The following EYA4 variants were observed in gnomAD, a reference collection of about 807,000 sequenced individuals.
EYA4 encodes EYA transcriptional coactivator and phosphatase 4.
A neutral mutation model predicts 87.9 loss-of-function variants in EYA4; 31 were observed. The ratio of observed to expected loss-of-function variants is 0.35; its 90% CI spans 0.27 to 0.48. The LOEUF is 0.48. EYA4 is among the 20% of genes least tolerant of loss of function. The pLI, the probability that EYA4 is intolerant of heterozygous loss-of-function variation, is 0.99. For missense variants in EYA4, 678 were observed against 761.4 expected, an observed-to-expected ratio of 0.89 and a Z score of 1.29; for synonymous variants, 263 against 270.6, an observed-to-expected ratio of 0.97 and a Z score of 0.28.
Position 133,425,304 on chromosome 6 carries a change from T to C in EYA4, c.84-21326T>C, listed in dbSNP as rs142497557. Reference sequence around the variant, plus strand: ...AGTAGGTGTTAAAGGAACTTAGACATGTTTTGGCAAAATCTGCAATCTAAT... The same window carrying C: ...AGTAGGTGTTAAAGGAACTTAGACACGTTTTGGCAAAATCTGCAATCTAAT... On this transcript the variant is annotated intron_variant, in intron 3 of 19. Transcript: ENST00000355286. 8.9e-3 allele frequency among the ~76,000 whole-genome samples: 1,339 copies of C among 150,772 alleles called. 26 individuals carry two copies. The highest frequency in any genetic ancestry group is 0.014 in the Non-Finnish European group (929 of 68,022).
chr6:133,324,883 A>G (rs1025327468), intron 2 of EYA4, among the ~76,000 whole-genome samples: 4 of 140,354 alleles, frequency 2.8e-5, no homozygotes, highest in South Asian at 4.8e-4. Context: ...TTGAAAATTT[A>G]TGGAGTATAT....
At chr6:133,502,075 C>T (rs1055760620) in intron 13 of EYA4, among the ~76,000 whole-genome samples, 1 of 151,480 alleles carries the variant, frequency 6.6e-6, no homozygotes, top group Non-Finnish European at 1.5e-5. Context: ...CTCTCTCACT[C>T]TCTCTCTCTC....
intron 3 of EYA4, among the ~76,000 whole-genome samples, chr6:133,426,370 A>G (rs140399626): frequency 0.011 from 1,737 of 152,342 alleles, 19 homozygotes; most frequent in South Asian, 0.033. Context: ...GACTGAAATA[A>G]TCTGATCATC....
At chr6:133,362,827 C>T (rs1784554459) in intron 2 of EYA4, among the ~76,000 whole-genome samples, 1 of 152,194 alleles carries the variant, frequency 6.6e-6, no homozygotes, top group Non-Finnish European at 1.5e-5. Flanking sequence ...CTCTCTGCCC[C>T]TGATTCCCCC....
intron 6 of EYA4, 151 bp downstream of exon 6, chr6:133,456,799 C>A: frequency 1.6e-6 from 1 of 613,172 alleles, no homozygotes; most frequent in Non-Finnish European, 2.9e-6. Flanking sequence ...AACTCATAGT[C>A]ATAGCAGTAT....
At chr6:133,464,692 G>A (rs1335569096) in intron 9 of EYA4, 87 bp from the exon 10 acceptor site, 5 of 865,954 alleles carry the variant, frequency 5.8e-6, no homozygotes, top group Non-Finnish European at 9.5e-6. Context: ...ATTTCAAAGT[G>A]TTTCTCTCAC....
chr6:133,311,822 C>A (rs1780246922), intron 2 of EYA4, among the ~76,000 whole-genome samples: 1 of 152,020 alleles, frequency 6.6e-6, no homozygotes, highest in Non-Finnish European at 1.5e-5. Flanking sequence ...CGGCACTGTG[C>A]TGAGTACTGG....
chr6:133,357,011 C>A (rs1198186109), intron 2 of EYA4, among the ~76,000 whole-genome samples: 1 of 151,834 alleles, frequency 6.6e-6, no homozygotes, highest in Non-Finnish European at 1.5e-5. Flanking sequence ...GTGGCTCACG[C>A]CTGTAATCCC....
chr6:133,244,489 G>A (rs1188980750), intron 1 of EYA4, among the ~76,000 whole-genome samples: 1 of 151,992 alleles, frequency 6.6e-6, no homozygotes, highest in Non-Finnish European at 1.5e-5. Context: ...AAGAAAAATA[G>A]ATGCTGAATT....
intron 3 of EYA4, among the ~76,000 whole-genome samples, chr6:133,430,811 CAT>C (rs1345535226): frequency 6.6e-6 from 1 of 152,168 alleles, no homozygotes; most frequent in Non-Finnish European, 1.5e-5. Context: ...TTCTTGCTCT[CAT>C]AGAGTATACA....
rs1190456495 is a variant in EYA4, at chr6:133,448,167, T to A, written c.265T>A (p.Ser89Thr). 1 of 1,612,974 alleles carries A rather than the reference T, an allele frequency of 6.2e-7. No homozygotes were observed. Among genetic ancestry groups the A allele is most frequent in the Non-Finnish European group, 8.5e-7 (1 of 1,178,964 alleles). ...ADWLLSCNTP[S>T]SATMSLLAVK... ...CTGGTTGCTGAGTTGCAACACCCCC[T>A]CTTCTGCAACAAGTATGAGAGATGC... is the stretch of plus-strand genomic sequence containing the variant. Residue 89 changes from serine to threonine, a missense_variant, in exon 5 of 20, where the codon TCT (serine) becomes ACT (threonine). Physicochemically the swap from Ser to Thr is moderately conservative, Grantham distance 58 (BLOSUM62 1). Transcript: ENST00000355286.
chr6:133,454,090 T>C (rs1444221696), intron 5 of EYA4, among the ~76,000 whole-genome samples: 1 of 152,192 alleles, frequency 6.6e-6, no homozygotes, highest in African/African-American at 2.4e-5. Context: ...CTAATCTTCA[T>C]GTCTGGCTTC....
intron 17 of EYA4, among the ~76,000 whole-genome samples, chr6:133,516,537 C>A (rs1384514510): frequency 6.6e-6 from 1 of 151,232 alleles, no homozygotes; most frequent in Non-Finnish European, 1.5e-5. Context: ...ATGGTGAAAC[C>A]CCATCTCTAC....
At chr6:133,350,230 G>T (rs1783537672) in intron 2 of EYA4, among the ~76,000 whole-genome samples, 1 of 152,022 alleles carries the variant, frequency 6.6e-6, no homozygotes, top group East Asian at 1.9e-4. Flanking sequence ...TAGGTGCCAG[G>T]GTTACAAGAA....
chr6:133,246,254 A>G (rs1310995401), intron 1 of EYA4, among the ~76,000 whole-genome samples: 1 of 152,166 alleles, frequency 6.6e-6, no homozygotes, highest in Non-Finnish European at 1.5e-5. Context: ...CTGAGATTTC[A>G]GTGCATGGAT....
chr6:133,375,157 T>G (rs1339704220), intron 2 of EYA4, among the ~76,000 whole-genome samples: 1 of 151,950 alleles, frequency 6.6e-6, no homozygotes, highest in Non-Finnish European at 1.5e-5. Flanking sequence ...GTTGAGAAAG[T>G]GCATCTCCAA....
chr6:133,406,802 AAATG>A (rs1244683134), intron 3 of EYA4, among the ~76,000 whole-genome samples: 2 of 152,212 alleles, frequency 1.3e-5, no homozygotes, highest in Admixed American at 6.5e-5. Context: ...ATTAAAATGA[AAATG>A]AAATGTATGA....
In EYA4 at chr6:133,525,218, T is replaced by A; in HGVS notation, c.1803T>A (p.Ile601=). 6.2e-7 allele frequency: 1 copy of A among 1,613,688 alleles called. No homozygotes were observed. The highest frequency in any genetic ancestry group is 8.5e-7 in the Non-Finnish European group (1 of 1,179,748). The change falls in exon 19 of 20, where the codon ATT becomes ATA. Residue 601 remains isoleucine, a synonymous_variant. Coordinates refer to ENST00000355286, the MANE Select transcript of EYA4 (RefSeq NM_004100.5). ...GCAGAAAAGTAGTGTATGTTGTAAT[T>A]GGGGATGGTGTAGAAGAAGAACAGG... The part of the protein sequence containing the change: ...RFGRKVVYVV[I]GDGVEEEQAA...
chr6:133,335,331 A>C (rs1414409459), intron 2 of EYA4, among the ~76,000 whole-genome samples: 1 of 152,210 alleles, frequency 6.6e-6, no homozygotes, highest in Non-Finnish European at 1.5e-5. Context: ...ATACACTTTC[A>C]TTCTATCTTT....
Sources: gnomAD v4.1 joint callset for allele counts (sites outside exome capture counted in the v4.1 genomes callset) on GRCh38, gnomAD v4.1.1 for gene constraint, MANE v1.5 for transcripts, NCBI Gene and HGNC (gene_info 2026-07-23, HGNC 2026-07-21) for gene names.